MSH4: variants seen among roughly 807,000 people sequenced by gnomAD.
The protein encoded by MSH4 is mutS homolog 4.
In MSH4, 106 loss-of-function variants were observed where a neutral mutation model predicts 113.7. The observed-to-expected ratio is 0.93, with a 90% CI of 0.80 to 1.10. The LOEUF is 1.10. Among genes scored for constraint, MSH4 ranks in the 50% least tolerant of loss-of-function variants. The pLI is 0.00. For synonymous variants in MSH4, 368 were observed against 380.2 expected (o/e 0.97, Z 0.37); for missense variants, 1,061 against 1,093.7 (o/e 0.97, Z 0.42).
Position 75,912,676 on chromosome 1 carries a change from T to TATATA in MSH4, c.2620-20_2620-19insATATA. The TATATA allele has an allele frequency of 2.1e-6, 2 of 950,172 alleles. No individual in the cohort carries two copies. Among genetic ancestry groups the TATATA allele is most frequent in the Non-Finnish European group, 2.7e-6 (2 of 740,474 alleles). The allele number at this position is 950,172 out of a possible 1,614,324, so 58.9% of individuals were successfully genotyped here. A position where few individuals can be genotyped will look rare whatever the true frequency, so the allele number is the denominator to read the frequency against. ...GGTATTTGTGTATATATATATATATTTTTTTTTTTTCAATGACAGCAAAAC... is the reference window on the plus strand; with the variant it reads ...GGTATTTGTGTATATATATATATATTATATATTTTTTTTTTCAATGACAGCAAAAC... On this transcript the variant is annotated intron_variant, in intron 19 of 19. Coordinates refer to ENST00000263187, the MANE Select transcript of MSH4 (RefSeq NM_002440.4).
chr1:75,867,915 A>G (rs1464411419), intron 9 of MSH4, among the ~76,000 whole-genome samples: 1 of 152,106 alleles, frequency 6.6e-6, no homozygotes, highest in African/African-American at 2.4e-5. Flanking sequence ...CTATTTTATA[A>G]TATGTATCCC....
intron 17 of MSH4, among the ~76,000 whole-genome samples, chr1:75,893,649 A>C (rs759291896): frequency 7.9e-5 from 12 of 152,348 alleles, no homozygotes; most frequent in South Asian, 2.1e-4. Flanking sequence ...AGATCTCTAA[A>C]GGTGAGGTAC....
At chr1:75,852,846 T>A (rs1014270440) in intron 8 of MSH4, among the ~76,000 whole-genome samples, 2 of 152,156 alleles carry the variant, frequency 1.3e-5, no homozygotes, top group African/African-American at 4.8e-5. Flanking sequence ...TATATGCATG[T>A]TAATCCCCGA....
intron 12 of MSH4, among the ~76,000 whole-genome samples, chr1:75,879,599 G>T (rs535958759): frequency 1.3e-5 from 2 of 152,144 alleles, no homozygotes; most frequent in East Asian, 3.9e-4. Flanking sequence ...TCTGCTTAGG[G>T]GGTACTTTTT....
chr1:75,828,797 C>T (rs138170047), intron 7 of MSH4, among the ~76,000 whole-genome samples: 3 of 152,034 alleles, frequency 2.0e-5, no homozygotes, highest in African/African-American at 4.8e-5. Flanking sequence ...CCTGTAAATC[C>T]AAAATAATTT....
At chr1:75,898,957 CAATT>C (rs1652445567) in intron 18 of MSH4, among the ~76,000 whole-genome samples, 1 of 152,048 alleles carries the variant, frequency 6.6e-6, no homozygotes, top group Non-Finnish European at 1.5e-5. Context: ...TGCAAAGATT[CAATT>C]AATTATCAAA....
chr1:75,878,129 T>C lies in MSH4; in HGVS notation c.1371-20T>C, dbSNP rs200968043. The C allele has an allele frequency of 2.1e-5, 32 of 1,509,900 alleles. No individual in the cohort carries two copies. Among genetic ancestry groups the C allele is most frequent in the Non-Finnish European group, 2.8e-5 (31 of 1,118,186 alleles). 93.5% of individuals were successfully genotyped at this position (1,509,900 alleles called of 1,614,324 possible). ...TTTGACTTATTGCCTATAATGTTTT[T>C]CTTTTGGCCTTAATATTAGGTTTGG... On this transcript the variant is annotated intron_variant, in intron 10 of 19. Transcript: ENST00000263187.
intron 7 of MSH4, among the ~76,000 whole-genome samples, chr1:75,829,190 G>A (rs1650625976): frequency 1.3e-5 from 2 of 152,332 alleles, no homozygotes; most frequent in African/African-American, 2.4e-5. Context: ...CTCACTGCTA[G>A]CACAGCAGTC....
intron 7 of MSH4, among the ~76,000 whole-genome samples, chr1:75,825,882 A>G (rs928686552): frequency 6.6e-6 from 1 of 151,952 alleles, no homozygotes; most frequent in South Asian, 2.1e-4. Flanking sequence ...TTTACTGAGG[A>G]TTTTCACATC....
intron 19 of MSH4, 43 bp from the exon 20 acceptor site, chr1:75,912,653 T>C (rs766788012): frequency 3.4e-6 from 4 of 1,169,056 alleles, no homozygotes; most frequent in Admixed American, 4.3e-5. Context: ...AAAATTATGG[T>C]ATTTGTGTAT....
At chr1:75,818,827 A>G (rs936289921) in intron 6 of MSH4, among the ~76,000 whole-genome samples, 8 of 152,004 alleles carry the variant, frequency 5.3e-5, no homozygotes, top group South Asian at 2.1e-4. Flanking sequence ...CAGTGGTGCA[A>G]TCTTGGCTCA....
At position 75,875,362 on chromosome 1, in the gene MSH4, G is replaced by A. The variant is rs74745180; in HGVS notation, c.1306-1574G>A. 6.5e-3 allele frequency among the ~76,000 whole-genome samples: 982 copies of A among 152,174 alleles called. 4 individuals carry two copies. Among genetic ancestry groups the A allele is most frequent in the African/African-American group, 0.023 (944 of 41,528 alleles). ...TACAGATATGGTAAAAATGTGTGAT[G>A]GGCTTATTGAAGATCTACAGTTTTT... is the stretch of plus-strand genomic sequence containing the variant. On this transcript the variant is annotated intron_variant, in intron 9 of 19. Transcript: ENST00000263187.
rs1651614553 is a variant in MSH4, at chr1:75,867,561, T to C, written c.1278T>C (p.His426=). 1.3e-6 allele frequency: 2 copies of C among 1,597,116 alleles called. No individual in the cohort carries two copies. Among genetic ancestry groups the C allele is most frequent in the African/African-American group, 1.3e-5 (1 of 74,286 alleles). Reference sequence around the variant, plus strand: ...TAACAAATTTAATATACTTAAAACATACCTTGGAACTTGTGGATCCTTTAA... The same window carrying C: ...TAACAAATTTAATATACTTAAAACACACCTTGGAACTTGTGGATCCTTTAA... ...SKITNLIYLK[H]TLELVDPLKI... Residue 426 remains histidine (H), a synonymous_variant, in exon 9 of 20, where the codon CAT becomes CAC. Transcript: ENST00000263187.
At chr1:75,802,948 CTCT>C (rs1649971735) in intron 1 of MSH4, among the ~76,000 whole-genome samples, 1 of 152,054 alleles carries the variant, frequency 6.6e-6, no homozygotes, top group South Asian at 2.1e-4. Flanking sequence ...GTCTCTCATC[CTCT>C]TCTTATAAAA....
intron 9 of MSH4, among the ~76,000 whole-genome samples, chr1:75,871,364 A>G (rs74089616): frequency 0.022 from 3,307 of 152,278 alleles, 126 homozygotes; most frequent in African/African-American, 0.076. Context: ...CCCTAACTGT[A>G]TCAGACAGAC....
intron 8 of MSH4, among the ~76,000 whole-genome samples, chr1:75,848,620 C>A (rs542618316): frequency 1.3e-5 from 2 of 152,162 alleles, no homozygotes; most frequent in Admixed American, 1.3e-4. Flanking sequence ...TGCTTGTAGT[C>A]CCAGCTCCTG....
chr1:75,833,225 T>C (rs879205401), intron 7 of MSH4, among the ~76,000 whole-genome samples: 1 of 152,048 alleles, frequency 6.6e-6, no homozygotes, highest in Non-Finnish European at 1.5e-5. Flanking sequence ...ATCCAACTTA[T>C]AAGGGATGTG....
At chr1:75,816,685 G>T in intron 6 of MSH4, 139 bp downstream of exon 6, 1 of 413,022 alleles carries the variant, frequency 2.4e-6, no homozygotes, top group Non-Finnish European at 4.1e-6. Context: ...GGAGTGCAGT[G>T]GTGCGATCTC....
At chr1:75,895,941 C>T (rs1055224729) in intron 17 of MSH4, among the ~76,000 whole-genome samples, 1 of 152,110 alleles carries the variant, frequency 6.6e-6, no homozygotes, top group South Asian at 2.1e-4. Context: ...TATGTGTCAA[C>T]TTGGCAAGGT....
Sources: gnomAD v4.1 joint callset for allele counts (sites outside exome capture counted in the v4.1 genomes callset) on GRCh38, gnomAD v4.1.1 for gene constraint, MANE v1.5 for transcripts, NCBI Gene and HGNC (gene_info 2026-07-23, HGNC 2026-07-21) for gene names.